SHANK2: variants seen among roughly 807,000 people sequenced by gnomAD.
The protein encoded by SHANK2 is SH3 and multiple ankyrin repeat domains 2.
A neutral mutation model predicts 133.7 loss-of-function variants in SHANK2; 43 were observed. The observed-to-expected ratio is 0.32, with a 90% CI of 0.25 to 0.41. The LOEUF is 0.41. Among genes scored for constraint, SHANK2 ranks in the 10% least tolerant of loss-of-function variants. The pLI is 1.00. For synonymous variants in SHANK2, 1,017 were observed against 952.8 expected (o/e 1.07, Z -1.24); for missense variants, 1,994 against 2,235.8 (o/e 0.89, Z 2.18).
intron 17 of SHANK2, among the ~76,000 whole-genome samples, chr11:70,563,407 G>A (rs1369255622): frequency 4.6e-5 from 7 of 152,176 alleles, no homozygotes; most frequent in Non-Finnish European, 7.4e-5. Context: ...TTTCCATGTC[G>A]TAATCCCCAA....
chr11:71,092,489 T>G lies in SHANK2; in HGVS notation c.845A>C (p.Glu282Ala). The change falls in exon 8 of 26, where the codon GAG becomes GCG. Residue 282 changes from glutamate to alanine, a missense_variant. Glu to Ala is a moderately radical substitution (Grantham distance 107). This residue lies in a region of SHANK2 where 653 missense variants were observed against 563.4 expected (regional missense o/e 1.16). Coordinates refer to ENST00000601538, the MANE Select transcript of SHANK2 (RefSeq NM_012309.5). Reference sequence around the variant, plus strand: ...AGTGGCGTGTTCGTGCAGGAGAAGCTCGCAGCAGTAGGGATCACCTCCGAC... The same window carrying G: ...AGTGGCGTGTTCGTGCAGGAGAAGCGCGCAGCAGTAGGGATCACCTCCGAC... ...AIVGGDPYCC[E>A]LLLHEHATVC... 6.4e-7 allele frequency: 1 copy of G among 1,551,520 alleles called. No homozygotes were observed.
chr11:70,840,746 G>C (rs1188392882), intron 11 of SHANK2, among the ~76,000 whole-genome samples: 1 of 152,164 alleles, frequency 6.6e-6, no homozygotes, highest in Non-Finnish European at 1.5e-5. Context: ...CGGGAGGCTG[G>C]AGCCTGCAGA....
At chr11:70,490,235 G>T in intron 23 of SHANK2, 41 bp downstream of exon 23, 1 of 1,541,258 alleles carries the variant, frequency 6.5e-7, no homozygotes. Context: ...GTGTTTGAAA[G>T]CCCAGGGGCA....
At chr11:70,910,234 C>T (rs149757840) in intron 10 of SHANK2, among the ~76,000 whole-genome samples, 14 of 152,354 alleles carry the variant, frequency 9.2e-5, no homozygotes, top group Non-Finnish European at 1.6e-4. Flanking sequence ...GGGGACACCA[C>T]TCAACCCAGA....
At chr11:70,945,481 T>C (rs1950711267) in intron 10 of SHANK2, among the ~76,000 whole-genome samples, 1 of 152,188 alleles carries the variant, frequency 6.6e-6, no homozygotes, top group African/African-American at 2.4e-5. Context: ...CTCCGACGGC[T>C]TCCAGCCCTT....
At chr11:71,204,310 G>A (rs746732220) in intron 2 of SHANK2, among the ~76,000 whole-genome samples, 1 of 152,228 alleles carries the variant, frequency 6.6e-6, no homozygotes, top group Non-Finnish European at 1.5e-5. Flanking sequence ...CCAGGCCCCC[G>A]GCTCAGGGCA....
intron 10 of SHANK2, among the ~76,000 whole-genome samples, chr11:70,949,633 A>T (rs1555086091): frequency 6.6e-6 from 1 of 152,142 alleles, no homozygotes; most frequent in Non-Finnish European, 1.5e-5. Flanking sequence ...TGCAGGGATC[A>T]TGGGGGGCCG....
chr11:71,183,605 C>G (rs191085276), intron 2 of SHANK2, among the ~76,000 whole-genome samples: 13 of 152,332 alleles, frequency 8.5e-5, no homozygotes, highest in South Asian at 6.2e-4. Flanking sequence ...GCCACTCTCC[C>G]TCTGCTCCCA....
chr11:70,892,501 T>G (rs1555074894), intron 11 of SHANK2, among the ~76,000 whole-genome samples: 3 of 152,144 alleles, frequency 2.0e-5, no homozygotes, highest in South Asian at 2.1e-4. Context: ...CTGCAGCTCT[T>G]GTATGGTGGA....
intron 2 of SHANK2, among the ~76,000 whole-genome samples, chr11:71,223,035 G>T (rs1283383784): frequency 6.6e-6 from 1 of 152,238 alleles, no homozygotes; most frequent in Non-Finnish European, 1.5e-5. Flanking sequence ...TCTGGGAGGT[G>T]AGTGACAGCA....
Position 71,197,668 on chromosome 11 carries a change from T to C in SHANK2, c.-13+27029A>G, listed in dbSNP as rs573504953. Reference sequence around the variant, plus strand: ...GGCATTTTATTTATTTATTTATTTTTGAGACAGAGTCTCGCTCTGTCGCCC... The same window carrying C: ...GGCATTTTATTTATTTATTTATTTTCGAGACAGAGTCTCGCTCTGTCGCCC... On this transcript the variant is annotated intron_variant, in intron 2 of 25. Coordinates refer to ENST00000601538, the MANE Select transcript of SHANK2 (RefSeq NM_012309.5). Among the ~76,000 whole-genome samples, 9 of 152,330 alleles carry C rather than the reference T, an allele frequency of 5.9e-5. No homozygotes were observed. In the East Asian group the frequency reaches 9.6e-4, roughly 16 times the overall value.
intron 2 of SHANK2, among the ~76,000 whole-genome samples, chr11:71,215,426 G>A (rs1023580844): frequency 1.3e-5 from 2 of 152,182 alleles, no homozygotes; most frequent in Non-Finnish European, 2.9e-5. Context: ...GTCACCCCTG[G>A]CTGCCCATCA....
intron 3 of SHANK2, among the ~76,000 whole-genome samples, chr11:71,135,696 T>A (rs1382224597): frequency 1.3e-5 from 2 of 152,014 alleles, no homozygotes; most frequent in Admixed American, 6.6e-5. Flanking sequence ...CCTCAGGTGA[T>A]CCACCTGCCT....
chr11:70,699,528 T>C (rs1276573693), intron 14 of SHANK2, among the ~76,000 whole-genome samples: 1 of 152,210 alleles, frequency 6.6e-6, no homozygotes, highest in African/African-American at 2.4e-5. Context: ...AAAGAAATTA[T>C]GCAACTGACT....
At chr11:71,063,354 T>G (rs922669618) in intron 9 of SHANK2, among the ~76,000 whole-genome samples, 6 of 152,200 alleles carry the variant, frequency 3.9e-5, no homozygotes, top group Non-Finnish European at 7.3e-5. Context: ...TATTTTGAAA[T>G]TCAAGGGTAC....
At chr11:71,060,513 C>T (rs1950975236) in intron 9 of SHANK2, among the ~76,000 whole-genome samples, 2 of 152,238 alleles carry the variant, frequency 1.3e-5, no homozygotes, top group Admixed American at 1.3e-4. Flanking sequence ...GGAACGTGTC[C>T]TCAGACTCAG....
rs532499001 is a variant in SHANK2 at position 70,820,628 on chromosome 11, G to T, written c.1229C>A (p.Thr410Lys). The T allele has an allele frequency of 4.2e-6, 3 of 711,088 alleles. No homozygotes were observed. The highest frequency in any genetic ancestry group is 2.7e-5 in the East Asian group (1 of 37,112). 44.0% of individuals were successfully genotyped at this position (711,088 alleles called of 1,614,324 possible). Reference sequence around the variant, plus strand: ...CAGCAGGACCCGGGGGGCGGCCAGCGTGTTGGGGGGCCGCCGCCGGCGGTT... The same window carrying T: ...CAGCAGGACCCGGGGGGCGGCCAGCTTGTTGGGGGGCCGCCGCCGGCGGTT... ...YSNRRRRPPN[T>K]LAAPRVLLRS... The change falls in exon 12 of 26, where the codon ACG becomes AAG. Residue 410 changes from threonine to lysine, a missense_variant. Transcript: ENST00000601538.
intron 10 of SHANK2, among the ~76,000 whole-genome samples, chr11:70,950,321 C>T (rs923520215): frequency 1.3e-5 from 2 of 149,130 alleles, no homozygotes; most frequent in African/African-American, 4.9e-5. Flanking sequence ...GGATTACAGG[C>T]GAGCACCACC....
rs756040931 is a variant in SHANK2 at position 70,830,572 on chromosome 11, G to A, written c.1175-9890C>T. The stretch of plus-strand genomic sequence containing the variant: ...GCCTCCCGCAGAACTCCGGGAATTC[G>A]CTAGCGCCCTTCCCATCTCTAAAAC... On this transcript the variant is annotated intron_variant, in intron 11 of 25. Coordinates refer to ENST00000601538, the MANE Select transcript of SHANK2 (RefSeq NM_012309.5). This position sits in a 1 kb window ranked among gnomAD's most constrained non-coding sequence, Gnocchi z 4.4. Among the ~76,000 whole-genome samples, 1 of 152,214 alleles carries A rather than the reference G, an allele frequency of 6.6e-6. No homozygotes were observed. The highest frequency in any genetic ancestry group is 2.4e-5 in the African/African-American group (1 of 41,460).
Sources: allele counts gnomAD v4.1 joint callset (sites outside exome capture counted in the v4.1 genomes callset), GRCh38; gene constraint gnomAD v4.1.1; regional missense constraint gnomAD v4.1.1; non-coding constraint Gnocchi (gnomAD v3.1); transcripts MANE v1.5; gene names NCBI Gene and HGNC (gene_info 2026-07-23, HGNC 2026-07-21).